TRANK1: variants seen among roughly 807,000 people sequenced by gnomAD.
TRANK1 encodes the protein TPR and ankyrin repeat-containing protein 1.
In TRANK1, 198 loss-of-function variants were observed where a neutral mutation model predicts 266.0. That is an observed-to-expected ratio of 0.74 (90% confidence interval 0.66 to 0.84). The LOEUF is 0.84. TRANK1 is among the 40% of genes least tolerant of loss of function. TRANK1 has a pLI of 0.00. For missense variants in TRANK1, 3,326 were observed against 3,634.6 expected, an observed-to-expected ratio of 0.92 and a Z score of 2.18; for synonymous variants, 1,396 against 1,384.1, an observed-to-expected ratio of 1.01 and a Z score of -0.19.
intron 18 of TRANK1, among the ~76,000 whole-genome samples, chr3:36,841,981 A>G (rs565353222): frequency 6.6e-6 from 1 of 152,296 alleles, no homozygotes; most frequent in Non-Finnish European, 1.5e-5. Flanking sequence ...AGGGAGACAC[A>G]CATCCCAGCC....
rs751339985 is a variant in TRANK1, at chr3:36,833,339, C to T, written c.6244G>A (p.Gly2082Ser). The T allele has an allele frequency of 3.1e-6, 5 of 1,613,922 alleles. No homozygotes were observed. Among genetic ancestry groups the T allele is most frequent in the Non-Finnish European group, 4.2e-6 (5 of 1,179,846 alleles). ...ATTTCCAAGCCCCCTGGAGCCAGGC[C>T]CAGAATCTTCTCAGGCTCGGCCTCA... The part of the protein sequence containing the change: ...QCEAEPEKIL[G>S]LAPGGLEILL... Residue 2082 changes from glycine (G) to serine (S), a missense_variant, in exon 22 of 24, where the codon GGC (glycine) becomes AGC (serine). Physicochemically the swap from Gly to Ser is moderately conservative, Grantham distance 56 (BLOSUM62 0). Transcript: ENST00000645898.
chr3:36,841,959 A>G (rs2078850234), intron 18 of TRANK1, among the ~76,000 whole-genome samples: 1 of 152,000 alleles, frequency 6.6e-6, no homozygotes, highest in Non-Finnish European at 1.5e-5. Context: ...TGAAGTCATC[A>G]CCACTATTTC....
At chr3:36,899,394 C>G (rs536865202) in intron 3 of TRANK1, 135 bp from the exon 4 acceptor site, 10 of 958,704 alleles carry the variant, frequency 1.0e-5, no homozygotes, top group Non-Finnish European at 1.4e-5. Context: ...GTGGCTCATG[C>G]CTGTAATCCT....
intron 5 of TRANK1, among the ~76,000 whole-genome samples, chr3:36,894,664 C>T (rs1445726923): frequency 6.6e-6 from 1 of 152,154 alleles, no homozygotes; most frequent in Non-Finnish European, 1.5e-5. Context: ...ACAAGAGAGC[C>T]CCACAGATTT....
Position 36,831,234 on chromosome 3 carries a change from A to G in TRANK1, c.8349T>C (p.Tyr2783=), listed in dbSNP as rs2078689276. 1 of 1,613,562 alleles carries G rather than the reference A, an allele frequency of 6.2e-7. No individual in the cohort carries two copies. The highest frequency in any genetic ancestry group is 8.5e-7 in the Non-Finnish European group (1 of 1,179,896). ...CCTCAAACGCTTTGCTGGGGCTGAA[A>G]TAGTTCTCTGGGCCACGGGTAAACT... is the stretch of plus-strand genomic sequence containing the variant. ...GVKFTRGPEN[Y]FSPSKAFEGA... is the part of the protein sequence containing the mutation. Residue 2783 remains tyrosine (Y), a synonymous_variant, in exon 22 of 24, where the codon TAT becomes TAC. Coordinates refer to ENST00000645898, the MANE Select transcript of TRANK1 (RefSeq NM_001329998.2). This position sits in a 1 kb window ranked among gnomAD's most constrained non-coding sequence, Gnocchi z 5.0.
rs770328169 is a variant in TRANK1, at chr3:36,831,513, G to A, written c.8070C>T (p.Gly2690=). 8.7e-6 allele frequency: 14 copies of A among 1,612,976 alleles called. No individual in the cohort carries two copies. The highest frequency in any genetic ancestry group is 1.1e-5 in the Non-Finnish European group (13 of 1,179,548). The change falls in exon 22 of 24, where the codon GGC becomes GGT. Residue 2690 remains glycine, a synonymous_variant. Coordinates refer to ENST00000645898, the MANE Select transcript of TRANK1 (RefSeq NM_001329998.2). The surrounding 1 kb of genome is among the most constrained non-coding windows in gnomAD (Gnocchi z 5.0). ...DYFAEPECEF[G]QDEMDELALE... ...ATGCCAGTTCATCCATCTCATCCTGGCCAAACTCACACTCAGGTTCAGCAA... is the reference window on the plus strand; with the variant it reads ...ATGCCAGTTCATCCATCTCATCCTGACCAAACTCACACTCAGGTTCAGCAA...
At chr3:36,851,221 G>T in intron 15 of TRANK1, 2 of 986,004 alleles carry the variant, frequency 2.0e-6, no homozygotes, top group Non-Finnish European at 1.2e-6. Flanking sequence ...TGCTAGAGGG[G>T]TCTCTCATGC....
chr3:36,944,098 G>A (rs1381156178), intron 1 of TRANK1, among the ~76,000 whole-genome samples: 2 of 152,108 alleles, frequency 1.3e-5, no homozygotes, highest in Non-Finnish European at 2.9e-5. Context: ...CGCCTCCCAG[G>A]CAACAGACTC....
At chr3:36,877,108 T>C (rs2079401328) in intron 8 of TRANK1, among the ~76,000 whole-genome samples, 1 of 152,198 alleles carries the variant, frequency 6.6e-6, no homozygotes, top group African/African-American at 2.4e-5. Context: ...AGTTCTTGAT[T>C]CTCTATGTAC....
At chr3:36,933,617 C>G (rs1368102479) in intron 1 of TRANK1, among the ~76,000 whole-genome samples, 1 of 152,216 alleles carries the variant, frequency 6.6e-6, no homozygotes, top group Non-Finnish European at 1.5e-5. Context: ...GCAGGAAAGA[C>G]AGGCCTAGAT....
chr3:36,938,972 T>A (rs1268378971), intron 1 of TRANK1, among the ~76,000 whole-genome samples: 1 of 145,502 alleles, frequency 6.9e-6, no homozygotes, highest in Non-Finnish European at 1.5e-5. Flanking sequence ...AAAAAAAAAA[T>A]ACAAAAATAC....
intron 11 of TRANK1, 101 bp downstream of exon 11, chr3:36,860,805 A>G (rs2079131215): frequency 1.2e-5 from 17 of 1,467,358 alleles, no homozygotes; most frequent in Non-Finnish European, 1.4e-5. Context: ...GGTGAACTTC[A>G]TGGTGCCTCC....
At chr3:36,926,661 G>A (rs1435625703) in intron 1 of TRANK1, among the ~76,000 whole-genome samples, 3 of 152,142 alleles carry the variant, frequency 2.0e-5, no homozygotes, top group African/African-American at 7.2e-5. Context: ...TACCAGGAAT[G>A]GTAGCCAAAC....
Position 36,908,400 on chromosome 3 carries a change from A to G in TRANK1, c.78T>C (p.Leu26=). 1 of 1,232,240 alleles carries G rather than the reference A, an allele frequency of 8.1e-7. No homozygotes were observed. The highest frequency in any genetic ancestry group is 1.0e-6 in the Non-Finnish European group (1 of 988,012). The allele number at this position is 1,232,240 out of a possible 1,614,324, so 76.3% of individuals were successfully genotyped here. A position where few individuals can be genotyped will look rare whatever the true frequency, so the allele number is the denominator to read the frequency against. Residue 26 remains leucine (L), a synonymous_variant, in exon 2 of 24, where the codon CTT becomes CTC. Coordinates refer to ENST00000645898, the MANE Select transcript of TRANK1 (RefSeq NM_001329998.2). ...TGGCCAAAGAGAAGTTCCCATTCTTAAGAACCTGGTTGCCGGATTCTTTCA... is the reference window on the plus strand; with the variant it reads ...TGGCCAAAGAGAAGTTCCCATTCTTGAGAACCTGGTTGCCGGATTCTTTCA... ...ELLKESGNQV[L]KNGNFSLAIR... is the part of the protein sequence containing the mutation.
chr3:36,868,594 G>T (rs981768823), intron 9 of TRANK1, among the ~76,000 whole-genome samples: 1 of 151,838 alleles, frequency 6.6e-6, no homozygotes, highest in African/African-American at 2.4e-5. Context: ...TTTTATAAAA[G>T]AAAATATAAA....
At chr3:36,919,504 A>G (rs547322478) in intron 1 of TRANK1, among the ~76,000 whole-genome samples, 27 of 152,332 alleles carry the variant, frequency 1.8e-4, no homozygotes, top group African/African-American at 6.5e-4. Flanking sequence ...TTAATATACC[A>G]CAATTTACTT....
intron 17 of TRANK1, among the ~76,000 whole-genome samples, chr3:36,844,729 T>C (rs1489462009): frequency 6.6e-6 from 1 of 152,176 alleles, no homozygotes; most frequent in African/African-American, 2.4e-5. Context: ...TCCTAGCCTT[T>C]GACTTTTCCC....
rs10590354 is a variant in TRANK1 at position 36,828,437 on chromosome 3, A to AGAAG, written c.8810-66_8810-63dup. 2.2e-4 allele frequency: 184 copies of AGAAG among 833,150 alleles called. 1 individual carries two copies. The highest frequency in any genetic ancestry group is 1.3e-3 in the South Asian group (86 of 68,736). 51.6% of individuals were successfully genotyped at this position (833,150 alleles called of 1,614,324 possible). A position where few individuals can be genotyped will look rare whatever the true frequency, so the allele number is the denominator to read the frequency against. ...AGAAGGGAGGGAGGGAGGGAAGGAA[A>AGAAG]GAAGGAAGGAAGGAAGGAAGGAAAG... On this transcript the variant is annotated intron_variant, in intron 23 of 23. Coordinates refer to ENST00000645898, the MANE Select transcript of TRANK1 (RefSeq NM_001329998.2).
intron 13 of TRANK1, among the ~76,000 whole-genome samples, chr3:36,853,481 A>G (rs1386714739): frequency 4.6e-5 from 7 of 152,242 alleles, no homozygotes; most frequent in Non-Finnish European, 1.0e-4. Flanking sequence ...CTAAGTGGAA[A>G]CTGCTGAATC....
Sources: gnomAD v4.1 joint callset for allele counts (sites outside exome capture counted in the v4.1 genomes callset) on GRCh38, gnomAD v4.1.1 for gene constraint, Gnocchi (gnomAD v3.1) non-coding constraint, MANE v1.5 for transcripts, NCBI Gene and HGNC (gene_info 2026-07-23, HGNC 2026-07-21) for gene names.